ADAMTS13: variants seen among roughly 807,000 people sequenced by gnomAD.
The protein encoded by ADAMTS13 is ADAM metallopeptidase with thrombospondin type 1 motif 13, also known as A disintegrin and metalloproteinase with thrombospondin motifs 13.
A neutral mutation model predicts 155.1 loss-of-function variants in ADAMTS13; 110 were observed. The observed-to-expected ratio is 0.71, with a 90% CI of 0.61 to 0.83. The LOEUF is 0.83. Among genes scored for constraint, ADAMTS13 ranks in the 40% least tolerant of loss-of-function variants. The probability of loss-of-function intolerance (pLI) is 0.00; values close to 1 mark genes in which losing one functional copy is unlikely to be tolerated. For synonymous variants in ADAMTS13, 758 were observed against 756.4 expected, an observed-to-expected ratio of 1.00 and a Z score of -0.03; for missense variants, 1,707 against 1,891.7, an observed-to-expected ratio of 0.90 and a Z score of 1.81.
rs781784468 is a variant in ADAMTS13, at chr9:133,442,461, C to A, written c.2031C>A (p.Tyr677Ter). 2 of 1,613,800 alleles carry A rather than the reference C, an allele frequency of 1.2e-6. No homozygotes were observed. Among genetic ancestry groups the A allele is most frequent in the African/African-American group, 1.3e-5 (1 of 74,956 alleles). The part of the protein sequence containing the change: ...NLTRPDITFT[Y>*]FQPKPRQAWV... ...CCCGCCCAGACATCACCTTCACCTACTTCCAGCCTAAGCCACGGCAGGCCT... is the reference window on the plus strand; with the variant it reads ...CCCGCCCAGACATCACCTTCACCTAATTCCAGCCTAAGCCACGGCAGGCCT... Residue 677 changes from tyrosine (Y) to a stop codon, truncating the protein, a stop_gained, in exon 17 of 29, where the codon TAC becomes TAA. Coordinates refer to ENST00000355699, the MANE Select transcript of ADAMTS13 (RefSeq NM_139027.6). LOFTEE classifies it high-confidence loss of function.
chr9:133,449,281 G>C (rs1350606317), intron 22 of ADAMTS13, among the ~76,000 whole-genome samples: 4 of 152,096 alleles, frequency 2.6e-5, no homozygotes, highest in Admixed American at 2.6e-4. Context: ...CCTGGAGCTA[G>C]GGGACACAGC....
At chr9:133,458,353 C>G (rs894430946) in intron 28 of ADAMTS13, among the ~76,000 whole-genome samples, 1 of 151,990 alleles carries the variant, frequency 6.6e-6, no homozygotes. Flanking sequence ...GTCAGGAGTT[C>G]GAGACCAGCC....
upstream of ADAMTS13, among the ~76,000 whole-genome samples, chr9:133,420,849 T>C (rs2130763471): frequency 6.6e-6 from 1 of 152,354 alleles, no homozygotes; most frequent in South Asian, 2.1e-4. Context: ...ATGTGGGAAT[T>C]GAAGGCAAGG....
chr9:133,448,884 C>T (rs781859579), intron 22 of ADAMTS13, among the ~76,000 whole-genome samples, 156 bp downstream of exon 22: 12 of 152,258 alleles, frequency 7.9e-5, no homozygotes, highest in Non-Finnish European at 1.8e-4. Context: ...CCCTGCCTCA[C>T]TCCAAGTGCA....
chr9:133,417,901 C>T, upstream of ADAMTS13: 1 of 1,525,182 alleles, frequency 6.6e-7, no homozygotes, highest in Non-Finnish European at 8.8e-7. Context: ...CCTCCCCGGG[C>T]CCGGCGCCCT....
In ADAMTS13 at chr9:133,443,539, A is replaced by G; in HGVS notation, c.2398A>G (p.Asn800Asp). ...GCCAGCTGTGGCGCTGGAAACCTGC[A>G]ACCCCCAGCCCTGCCCTGCCAGGTG... The part of the protein sequence containing the change: ...QQPAVALETC[N>D]PQPCPARWEV... The change falls in exon 19 of 29, where the codon AAC becomes GAC. Residue 800 changes from asparagine to aspartate, a missense_variant. This residue lies in a region of ADAMTS13 where 961 missense variants were observed against 1,107.9 expected (regional missense o/e 0.87). Transcript: ENST00000355699. 1 of 1,564,966 alleles carries G rather than the reference A, an allele frequency of 6.4e-7. No individual in the cohort carries two copies. Among genetic ancestry groups the G allele is most frequent in the Non-Finnish European group, 8.6e-7 (1 of 1,161,718 alleles).
chr9:133,440,676 C>A lies in ADAMTS13; in HGVS notation c.1968+151C>A. ...GACCCACTATGTGTTGGGCCCTGTG[C>A]TAGGCAAAATGTAGCTAGCTCCTCC... On this transcript the variant is annotated intron_variant, in intron 16 of 28. Transcript: ENST00000355699. The surrounding 1 kb of genome is among the most constrained non-coding windows in gnomAD (Gnocchi z 4.3). The A allele has an allele frequency of 1.0e-6, 1 of 968,564 alleles. No individual in the cohort carries two copies. Among genetic ancestry groups the A allele is most frequent in the Non-Finnish European group, 1.5e-6 (1 of 673,218 alleles). The allele number at this position is 968,564 out of a possible 1,614,324, so 60.0% of individuals were successfully genotyped here. A position where few individuals can be genotyped will look rare whatever the true frequency, so the allele number is the denominator to read the frequency against.
rs1842782049 is a variant in ADAMTS13 at position 133,456,920 on chromosome 9, C to T, written c.3724+201C>T. The T allele has an allele frequency of 1.4e-6, 1 of 726,718 alleles. No homozygotes were observed. The highest frequency in any genetic ancestry group is 2.4e-6 in the Non-Finnish European group (1 of 409,908). The allele number at this position is 726,718 out of a possible 1,614,324, so 45.0% of individuals were successfully genotyped here. A position where few individuals can be genotyped will look rare whatever the true frequency, so the allele number is the denominator to read the frequency against. On this transcript the variant is annotated intron_variant, in intron 27 of 28. Coordinates refer to ENST00000355699, the MANE Select transcript of ADAMTS13 (RefSeq NM_139027.6). This position sits in a 1 kb window ranked among gnomAD's most constrained non-coding sequence, Gnocchi z 4.4. ...GTCACAGGATGAATGCTATATCCCT[C>T]CTTTTTGGGACCGTGCAGCAAGATG...
Position 133,428,724 on chromosome 9 carries a change from C to A in ADAMTS13, c.777C>A (p.Gly259=). 2 of 1,357,464 alleles carry A rather than the reference C, an allele frequency of 1.5e-6. No homozygotes were observed. The highest frequency in any genetic ancestry group is 1.9e-6 in the Non-Finnish European group (2 of 1,052,586). 84.1% of individuals were successfully genotyped at this position (1,357,464 alleles called of 1,614,324 possible). ...CGGACGGCGCCGCGCCCCGCGCCGGCCTCGCCTGGTCCCCCTGCAGCCGCC... is the reference window on the plus strand; with the variant it reads ...CGGACGGCGCCGCGCCCCGCGCCGGACTCGCCTGGTCCCCCTGCAGCCGCC... ...MASDGAAPRA[G]LAWSPCSRRQ... is the part of the protein sequence containing the mutation. Residue 259 remains glycine, a synonymous_variant, in exon 7 of 29, where the codon GGC becomes GGA. Coordinates refer to ENST00000355699, the MANE Select transcript of ADAMTS13 (RefSeq NM_139027.6).
At position 133,433,362 on chromosome 9, in the gene ADAMTS13, C is replaced by T. The variant is rs782487171; in HGVS notation, c.1093-16C>T. ...GTCACTGTGGGATGGGAGATGAAGC[C>T]ATCCTTGCCTTGCAGTGGTGCTCCA... On this transcript the variant is annotated splice_polypyrimidine_tract_variant and intron_variant, in intron 9 of 28. Transcript: ENST00000355699. 18 of 1,612,160 alleles carry T rather than the reference C, an allele frequency of 1.1e-5. No homozygotes were observed. In the East Asian group the frequency reaches 3.1e-4, roughly 28 times the overall value.
intron 7 of ADAMTS13, among the ~76,000 whole-genome samples, chr9:133,429,332 G>C: frequency 1.1e-5 from 1 of 94,792 alleles, no homozygotes; most frequent in Non-Finnish European, 2.0e-5. Context: ...CCACACTTTC[G>C]TTCCAGCCAA....
At position 133,424,582 on chromosome 9, in the gene ADAMTS13, A is replaced by C; in HGVS notation, c.330+104A>C. ...AGTCTGAATACAGTGGGTTAAACTC[A>C]GGTAGAATGGCTCGGGGTTCTTCCT... is the stretch of plus-strand genomic sequence containing the variant. On this transcript the variant is annotated intron_variant, in intron 3 of 28. Coordinates refer to ENST00000355699, the MANE Select transcript of ADAMTS13 (RefSeq NM_139027.6). The surrounding 1 kb of genome is among the most constrained non-coding windows in gnomAD (Gnocchi z 4.3). The C allele has an allele frequency of 2.0e-6, 3 of 1,510,082 alleles. No homozygotes were observed. Among genetic ancestry groups the C allele is most frequent in the Non-Finnish European group, 2.7e-6 (3 of 1,114,282 alleles). 93.5% of individuals were successfully genotyped at this position (1,510,082 alleles called of 1,614,324 possible).
intron 8 of ADAMTS13, 167 bp downstream of exon 8, chr9:133,430,268 T>A: frequency 4.4e-6 from 4 of 917,036 alleles, no homozygotes; most frequent in Non-Finnish European, 6.8e-6. Context: ...TAGAAATTAT[T>A]TAAAATGTTT....
In ADAMTS13 at chr9:133,459,345, C is replaced by T. The variant is rs1842955597; in HGVS notation, c.*165C>T. On this transcript the variant is annotated 3_prime_UTR_variant, in exon 29 of 29. Transcript: ENST00000355699. ...GAGGTGGGGACTCTGGAAAAGCAGC[C>T]CCCATTTCCTCGGGTACCAATAAAT... 1.3e-6 allele frequency: 1 copy of T among 763,050 alleles called. No individual in the cohort carries two copies. The highest frequency in any genetic ancestry group is 2.3e-6 in the Non-Finnish European group (1 of 443,120). 47.3% of individuals were successfully genotyped at this position (763,050 alleles called of 1,614,324 possible).
At chr9:133,457,831 G>A (rs1705717069) in intron 27 of ADAMTS13, 79 bp from the exon 28 acceptor site, 1 of 1,577,308 alleles carries the variant, frequency 6.3e-7, no homozygotes, top group Non-Finnish European at 8.7e-7. Flanking sequence ...GCCCTGCACG[G>A]CTCCCTGGCT....
intron 12 of ADAMTS13, 118 bp from the exon 13 acceptor site, chr9:133,437,631 G>T: frequency 9.0e-7 from 1 of 1,116,192 alleles, no homozygotes; most frequent in Non-Finnish European, 1.3e-6. Context: ...CTTAGGAGGT[G>T]GGATGTGGGG....
intron 15 of ADAMTS13, 118 bp downstream of exon 15, chr9:133,439,564 C>T (rs1841507843): frequency 2.2e-6 from 2 of 890,128 alleles, no homozygotes; most frequent in South Asian, 2.7e-5. Flanking sequence ...CCCAAACCAC[C>T]CTCAGGCTTG....
chr9:133,439,892 C>T (rs146202597), intron 15 of ADAMTS13, among the ~76,000 whole-genome samples: 2 of 152,234 alleles, frequency 1.3e-5, no homozygotes, highest in Non-Finnish European at 2.9e-5. Flanking sequence ...CAGCCCCTAT[C>T]CTAAATCACA....
intron 28 of ADAMTS13, 54 bp from the exon 29 acceptor site, chr9:133,458,920 G>T: frequency 6.6e-7 from 1 of 1,520,398 alleles, no homozygotes; most frequent in South Asian, 1.2e-5. Context: ...AGGCTTCCGT[G>T]AGTGCTAATT....
Sources: allele counts gnomAD v4.1 joint callset (sites outside exome capture counted in the v4.1 genomes callset), GRCh38; gene constraint gnomAD v4.1.1; regional missense constraint gnomAD v4.1.1; non-coding constraint Gnocchi (gnomAD v3.1); transcripts MANE v1.5; gene names NCBI Gene and HGNC (gene_info 2026-07-23, HGNC 2026-07-21).